Variants in ADGRF4 observed in about 807,000 individuals in gnomAD.
The protein encoded by ADGRF4 is G-protein coupled receptor PGR18.
Under a neutral mutation model 58.5 loss-of-function variants are expected in ADGRF4, and 63 were observed. The ratio of observed to expected loss-of-function variants is 1.08; its 90% CI spans 0.88 to 1.33. The LOEUF (loss-of-function observed/expected upper bound fraction) is 1.33. Among genes scored for constraint, ADGRF4 ranks in the 40% most tolerant of loss-of-function variants. The pLI, the probability that ADGRF4 is intolerant of heterozygous loss-of-function variation, is 0.00. For synonymous variants in ADGRF4, 313 were observed against 295.4 expected, an observed-to-expected ratio of 1.06 and a Z score of -0.61; for missense variants, 931 against 843.9, an observed-to-expected ratio of 1.10 and a Z score of -1.28.
intron 8 of ADGRF4, 52 bp from the exon 9 acceptor site, chr6:47,718,337 T>A (rs1772079399): frequency 1.1e-6 from 1 of 949,192 alleles, no homozygotes; most frequent in Non-Finnish European, 1.7e-6. Context: ...GGGATATACA[T>A]TTTGTCAATA....
chr6:47,702,317 AC>A (rs1216925960), intron 1 of ADGRF4, among the ~76,000 whole-genome samples: 1 of 151,996 alleles, frequency 6.6e-6, no homozygotes, highest in Non-Finnish European at 1.5e-5. Flanking sequence ...TGACCATGGA[AC>A]CCCTTTGGCT....
At position 47,707,323 on chromosome 6, in the gene ADGRF4, C is replaced by G; in HGVS notation, c.78C>G (p.Ser26=). 1.2e-6 allele frequency: 2 copies of G among 1,605,598 alleles called. No homozygotes were observed. The highest frequency in any genetic ancestry group is 1.7e-6 in the Non-Finnish European group (2 of 1,172,258). Residue 26 remains serine, a synonymous_variant, in exon 2 of 10, where the codon TCC becomes TCG. Coordinates refer to ENST00000283303, the MANE Select transcript of ADGRF4 (RefSeq NM_153838.5). ...FLSTECSHYR[S]KIHLKAGDKL... ...CCACAGAATGTTCCCACTATAGATC[C>G]AAGATTCACCTAAAAGTAAGTTTGA...
rs199705436 is a variant in ADGRF4 at position 47,714,675 on chromosome 6, C to T, written c.1430C>T (p.Thr477Ile). Residue 477 changes from threonine to isoleucine, a missense_variant, in exon 6 of 10, where the codon ACA becomes ATA. Thr to Ile is a moderately conservative substitution (Grantham distance 89). Transcript: ENST00000283303. ...AQDYNMCVAV[T>I]FFSHFFYLSL... ...GACTACAACATGTGTGTTGCAGTGA[C>T]ATTTTTCAGCCACTTTTTCTACCTC... 3.4e-5 allele frequency: 55 copies of T among 1,614,056 alleles called. No homozygotes were observed. The highest frequency in any genetic ancestry group is 2.0e-5 in the Non-Finnish European group (24 of 1,180,042).
chr6:47,700,114 G>A (rs761932133), intron 1 of ADGRF4, among the ~76,000 whole-genome samples: 10 of 152,144 alleles, frequency 6.6e-5, no homozygotes, highest in Non-Finnish European at 1.2e-4. Flanking sequence ...GTACAGTTCC[G>A]GGGAGAGGAA....
At chr6:47,707,700 T>G (rs1771751590) in intron 2 of ADGRF4, among the ~76,000 whole-genome samples, 1 of 152,234 alleles carries the variant, frequency 6.6e-6, no homozygotes, top group African/African-American at 2.4e-5. Flanking sequence ...TCCCAAATTC[T>G]TTATCTATAA....
At position 47,713,670 on chromosome 6, in the gene ADGRF4, G is replaced by C. The variant is rs1771925126; in HGVS notation, c.553-128G>C. The C allele has an allele frequency of 4.4e-6, 3 of 676,082 alleles. No homozygotes were observed. In the East Asian group the frequency reaches 8.6e-5, roughly 19 times the overall value. The allele number at this position is 676,082 out of a possible 1,614,324, so 41.9% of individuals were successfully genotyped here. Reference sequence around the variant, plus strand: ...TACTAATGTGGATTCTAATACATAGGGAATTTGAAGAGAAATATGCCAAAT... The same window carrying C: ...TACTAATGTGGATTCTAATACATAGCGAATTTGAAGAGAAATATGCCAAAT... On this transcript the variant is annotated intron_variant, in intron 5 of 9. Transcript: ENST00000283303.
At chr6:47,704,471 TTTC>T (rs1217427083) in intron 1 of ADGRF4, among the ~76,000 whole-genome samples, 1 of 152,174 alleles carries the variant, frequency 6.6e-6, no homozygotes. Context: ...TGAGAATAGG[TTTC>T]TTTTCTCCTT....
intron 1 of ADGRF4, among the ~76,000 whole-genome samples, chr6:47,706,424 G>A (rs1473230013): frequency 6.6e-6 from 1 of 152,268 alleles, no homozygotes; most frequent in African/African-American, 2.4e-5. Flanking sequence ...GGTAGCAGAC[G>A]GTTGGGTTTA....
At chr6:47,712,310 G>T (rs1269483511) in intron 4 of ADGRF4, 47 bp from the exon 5 acceptor site, 1 of 1,589,974 alleles carries the variant, frequency 6.3e-7, no homozygotes, top group Non-Finnish European at 8.6e-7. Context: ...CTGATACATG[G>T]TAGGTACTTA....
At position 47,714,702 on chromosome 6, in the gene ADGRF4, C is replaced by T. The variant is rs1326747386; in HGVS notation, c.1457C>T (p.Ser486Phe). 3.7e-6 allele frequency: 6 copies of T among 1,614,080 alleles called. No individual in the cohort carries two copies. The highest frequency in any genetic ancestry group is 5.1e-6 in the Non-Finnish European group (6 of 1,179,968). The change falls in exon 6 of 10, where the codon TCT becomes TTT. Residue 486 changes from serine (S) to phenylalanine (F), a missense_variant. Transcript: ENST00000283303. ...TTTTTCAGCCACTTTTTCTACCTCT[C>T]TCTGTTTTTCTGGATGCTCTTCAAA... ...VTFFSHFFYL[S>F]LFFWMLFKAL... is the part of the protein sequence containing the mutation.
chr6:47,713,772 A>G (rs1447717208), intron 5 of ADGRF4, 26 bp from the exon 6 acceptor site: 5 of 1,496,370 alleles, frequency 3.3e-6, no homozygotes, highest in African/African-American at 1.4e-5. Flanking sequence ...AATCCTTAGT[A>G]TAATGTTCAC....
chr6:47,714,386 A>C lies in ADGRF4; in HGVS notation c.1141A>C (p.Thr381Pro), dbSNP rs750163379. The change falls in exon 6 of 10, where the codon ACC becomes CCC. Residue 381 changes from threonine to proline, a missense_variant. Transcript: ENST00000283303. ...CGAAGTGAAATGCCGCTGTAACTAC[A>C]CCAGTGTGGTGATGTCTTTTTCCAT... ...RNEVKCRCNY[T>P]SVVMSFSILM... The C allele has an allele frequency of 1.2e-6, 2 of 1,614,120 alleles. No individual in the cohort carries two copies. The highest frequency in any genetic ancestry group is 1.7e-6 in the Non-Finnish European group (2 of 1,180,014).
chr6:47,718,763 A>G (rs551637481), intron 9 of ADGRF4, among the ~76,000 whole-genome samples: 22 of 152,338 alleles, frequency 1.4e-4, no homozygotes, highest in Non-Finnish European at 2.9e-4. Context: ...TTGAAAAAGA[A>G]CACTTGATTG....
At chr6:47,719,445 C>A (rs1172122333) in intron 9 of ADGRF4, among the ~76,000 whole-genome samples, 1 of 152,152 alleles carries the variant, frequency 6.6e-6, no homozygotes, top group Non-Finnish European at 1.5e-5. Flanking sequence ...GAGACCTTTA[C>A]AAAAGTTGAC....
chr6:47,718,321 T>C (rs936829843), intron 8 of ADGRF4, 68 bp from the exon 9 acceptor site: 2 of 844,526 alleles, frequency 2.4e-6, no homozygotes, highest in Admixed American at 3.4e-5. Flanking sequence ...TATTTATCTC[T>C]AGAGAGGGAT....
intron 1 of ADGRF4, among the ~76,000 whole-genome samples, chr6:47,700,326 G>A (rs1771563083): frequency 6.6e-6 from 1 of 152,182 alleles, no homozygotes. Flanking sequence ...GACGGGTAGG[G>A]AGTACTCAGT....
At chr6:47,718,918 G>A (rs1334603695) in intron 9 of ADGRF4, among the ~76,000 whole-genome samples, 1 of 152,136 alleles carries the variant, frequency 6.6e-6, no homozygotes, top group Admixed American at 6.5e-5. Flanking sequence ...GGTGAAACCA[G>A]GGGAGAACAC....
At chr6:47,710,517 T>C (rs1414696616) in intron 3 of ADGRF4, among the ~76,000 whole-genome samples, 2 of 152,164 alleles carry the variant, frequency 1.3e-5, no homozygotes, top group Admixed American at 6.5e-5. Flanking sequence ...TTCTGAATGA[T>C]GTGAAATTCC....
chr6:47,701,185 G>A (rs6938346), intron 1 of ADGRF4, among the ~76,000 whole-genome samples: 49,461 of 152,164 alleles, frequency 0.33, 8,850 homozygotes, highest in Middle Eastern at 0.52. Context: ...GTAATGACCA[G>A]CAAATGTTAT....
Sources: gnomAD v4.1 joint callset for allele counts (sites outside exome capture counted in the v4.1 genomes callset) on GRCh38, gnomAD v4.1.1 for gene constraint, MANE v1.5 for transcripts, NCBI Gene and HGNC (gene_info 2026-07-23, HGNC 2026-07-21) for gene names.